The following FMN1 variants were observed in gnomAD, a reference collection of about 807,000 sequenced individuals.
The protein encoded by FMN1 is formin 1, also known as formin-1.
Under a neutral mutation model 132.4 loss-of-function variants are expected in FMN1, and 110 were observed. That is an observed-to-expected ratio of 0.83 (90% CI 0.71 to 0.97). FMN1 has a LOEUF of 0.97. Ranked by LOEUF, FMN1 falls within the 50% of genes least tolerant of loss-of-function variation. FMN1 has a pLI of 0.00. For synonymous variants in FMN1, 722 were observed against 651.7 expected (o/e 1.11, Z -1.64); for missense variants, 1,792 against 1,705.3 (o/e 1.05, Z -0.90).
At chr15:32,971,325 C>T (rs569913962) in intron 7 of FMN1, among the ~76,000 whole-genome samples, 33 of 152,278 alleles carry the variant, frequency 2.2e-4, no homozygotes, top group African/African-American at 7.9e-4. Context: ...GACAATGCTA[C>T]CTTTGTAGAG....
chr15:32,981,937 G>A (rs543449636), intron 7 of FMN1, among the ~76,000 whole-genome samples: 3 of 152,038 alleles, frequency 2.0e-5, no homozygotes, highest in East Asian at 3.8e-4. Context: ...TCTGTTTGTT[G>A]CAAGTCTCTA....
intron 10 of FMN1, among the ~76,000 whole-genome samples, chr15:32,923,211 T>G (rs904615021): frequency 6.6e-6 from 1 of 152,208 alleles, no homozygotes; most frequent in African/African-American, 2.4e-5. Context: ...CCAGCTGGCC[T>G]CCTCCAGTCA....
At chr15:32,965,656 A>G (rs2031146685) in intron 8 of FMN1, among the ~76,000 whole-genome samples, 2 of 152,182 alleles carry the variant, frequency 1.3e-5, no homozygotes, top group Non-Finnish European at 2.9e-5. Context: ...GCGTGTTCAC[A>G]CTTTGCAATA....
At chr15:33,086,822 T>C (rs2038715020) in intron 5 of FMN1, among the ~76,000 whole-genome samples, 1 of 152,234 alleles carries the variant, frequency 6.6e-6, no homozygotes, top group Non-Finnish European at 1.5e-5. Context: ...TCAGCTTCAT[T>C]TCTAAACCTC....
rs1248962551 is a variant in FMN1 at position 33,153,122 on chromosome 15, A to C, written c.1793T>G (p.Val598Gly). 3.9e-6 allele frequency: 6 copies of C among 1,536,040 alleles called. No individual in the cohort carries two copies. Residue 598 changes from valine (V) to glycine (G), a missense_variant, in exon 4 of 21, where the codon GTG (valine) becomes GGG (glycine). By Grantham distance (109) the Val-to-Gly change is moderately radical. Transcript: ENST00000616417. ...AFLRAGQPRLVPGETLEKSLG... is the reference protein window; with the variant it reads ...AFLRAGQPRLGPGETLEKSLG... ...GCTCTTTTCCAAAGTTTCCCCAGGC[A>C]CCAACCGAGGTTGGCCTGCTCTGAG...
At chr15:33,128,055 C>T (rs16965359) in intron 4 of FMN1, among the ~76,000 whole-genome samples, 5 of 151,664 alleles carry the variant, frequency 3.3e-5, no homozygotes, top group Non-Finnish European at 1.5e-5. Context: ...GGTCAGGTGA[C>T]AGAAAGGACA....
chr15:33,040,560 T>G (rs903639888), intron 6 of FMN1, among the ~76,000 whole-genome samples: 6 of 152,202 alleles, frequency 3.9e-5, no homozygotes, highest in Non-Finnish European at 1.5e-5. Flanking sequence ...ACCAATGAAT[T>G]AGACACTAAT....
intron 17 of FMN1, among the ~76,000 whole-genome samples, chr15:32,815,652 C>T (rs1045912381): frequency 1.3e-5 from 2 of 152,304 alleles, no homozygotes; most frequent in African/African-American, 4.8e-5. Flanking sequence ...AACGGAATCA[C>T]GTACTGGAGT....
chr15:33,048,644 A>AAACAAAAACAAAAAC (rs1555388954), intron 6 of FMN1, among the ~76,000 whole-genome samples: 3 of 86,916 alleles, frequency 3.5e-5, no homozygotes, highest in East Asian at 2.6e-4. Flanking sequence ...AAAAAAAAAA[A>AAACAAAAACAAAAAC]AAAAACCAAC....
At chr15:32,781,320 A>G (rs1416727926) in intron 19 of FMN1, among the ~76,000 whole-genome samples, 3 of 152,218 alleles carry the variant, frequency 2.0e-5, no homozygotes, top group Non-Finnish European at 2.9e-5. Flanking sequence ...GTGGCTGAGT[A>G]GCTTAGCTCT....
At chr15:33,099,764 A>G (rs554842525) in intron 4 of FMN1, among the ~76,000 whole-genome samples, 2 of 152,198 alleles carry the variant, frequency 1.3e-5, no homozygotes, top group Non-Finnish European at 2.9e-5. Flanking sequence ...TCATTCTCTA[A>G]AAGTCATCTA....
chr15:32,930,786 G>C (rs2061095815), intron 9 of FMN1, among the ~76,000 whole-genome samples: 1 of 151,852 alleles, frequency 6.6e-6, no homozygotes, highest in South Asian at 2.1e-4. Flanking sequence ...AATTTTAGAG[G>C]ACTTTTCCCT....
chr15:32,949,952 T>TACAC (rs1372855877), intron 9 of FMN1, among the ~76,000 whole-genome samples: 1 of 50,510 alleles, frequency 2.0e-5, no homozygotes, highest in Non-Finnish European at 3.5e-5. Flanking sequence ...TATATATATA[T>TACAC]ATATATATAT....
chr15:32,793,642 T>C (rs1362345236), intron 19 of FMN1, among the ~76,000 whole-genome samples: 1 of 152,238 alleles, frequency 6.6e-6, no homozygotes, highest in Admixed American at 6.5e-5. Context: ...ACTGTTTGTG[T>C]ATTTGCACAG....
rs1273358069 is a variant in FMN1, at chr15:33,088,895, C to T, written c.1947G>A (p.Ala649=). 1.2e-5 allele frequency: 19 copies of T among 1,535,832 alleles called. No individual in the cohort carries two copies. The East Asian group carries it at 1.5e-4, about 12-fold the overall frequency. ...PKDLPNRDGG[A]WVLGYRAGPA... ...GTCCCGCTCTGTAGCCCAGAACCCACGCGCCTCCATCTCTGTTGGGAAGGT... is the reference window on the plus strand; with the variant it reads ...GTCCCGCTCTGTAGCCCAGAACCCATGCGCCTCCATCTCTGTTGGGAAGGT... The change falls in exon 5 of 21, where the codon GCG becomes GCA. Residue 649 remains alanine (A), a synonymous_variant. Transcript: ENST00000616417.
intron 10 of FMN1, among the ~76,000 whole-genome samples, chr15:32,920,743 C>G (rs1038099744): frequency 2.0e-5 from 3 of 152,172 alleles, no homozygotes; most frequent in African/African-American, 7.2e-5. Flanking sequence ...CCTGCTGAAG[C>G]CAGAAACCCA....
chr15:32,781,815 G>A (rs1178596849), intron 19 of FMN1, among the ~76,000 whole-genome samples: 2 of 152,090 alleles, frequency 1.3e-5, no homozygotes, highest in African/African-American at 2.4e-5. Flanking sequence ...TAATAACATT[G>A]TTGCTATAAA....
chr15:32,990,868 C>T, intron 7 of FMN1, among the ~76,000 whole-genome samples: 1 of 152,120 alleles, frequency 6.6e-6, no homozygotes, highest in East Asian at 1.9e-4. Context: ...ACCATCAGAT[C>T]TTGTGATAAC....
At position 32,969,269 on chromosome 15, in the gene FMN1, GTC is replaced by G. The variant is rs1248999773; in HGVS notation, c.2430_2431del (p.Glu810AspfsTer7). The G allele has an allele frequency of 1.9e-6, 3 of 1,613,922 alleles. No individual in the cohort carries two copies. Among genetic ancestry groups the G allele is most frequent in the South Asian group, 1.1e-5 (1 of 91,066 alleles). On this transcript the variant is annotated frameshift_variant, in exon 8 of 21. Transcript: ENST00000616417. LOFTEE classifies it high-confidence loss of function. Reference sequence around the variant, plus strand: ...TTCACTTTCACAGGGCTTGAGGAAGGTCTCTCTGTCTGTCTGGACGCACACAT... The same window carrying G: ...TTCACTTTCACAGGGCTTGAGGAAGGTCTCTGTCTGTCTGGACGCACACAT...
Sources: allele counts gnomAD v4.1 joint callset (sites outside exome capture counted in the v4.1 genomes callset), GRCh38; gene constraint gnomAD v4.1.1; transcripts MANE v1.5; gene names NCBI Gene and HGNC (gene_info 2026-07-23, HGNC 2026-07-21).